The following ST7 variants were observed in gnomAD, a reference collection of about 807,000 sequenced individuals.
The protein encoded by ST7 is suppression of tumorigenicity 7, also known as suppressor of tumorigenicity 7 protein.
ST7 carries 28 observed loss-of-function variants against 78.7 expected under a neutral mutation model. The ratio of observed to expected loss-of-function variants is 0.36; its 90% confidence interval spans 0.26 to 0.49. The LOEUF (loss-of-function observed/expected upper bound fraction) is 0.49, where lower values mean the gene tolerates loss of function less well. Ranked by LOEUF, ST7 falls within the 20% of genes least tolerant of loss-of-function variation. The pLI, the probability that ST7 is intolerant of heterozygous loss-of-function variation, is 0.99. For synonymous variants in ST7, 247 were observed against 249.6 expected (o/e 0.99, Z 0.10); for missense variants, 418 against 696.0 (o/e 0.60, Z 4.49).
chr7:117,132,069 T>G (rs1212688005), intron 6 of ST7, 109 bp downstream of exon 6: 3 of 1,122,616 alleles, frequency 2.7e-6, no homozygotes, highest in Admixed American at 2.3e-5. Context: ...AACTGGAGGA[T>G]TATTTGGGGA....
intron 1 of ST7, among the ~76,000 whole-genome samples, chr7:117,089,892 T>C (rs1284539650): frequency 6.6e-6 from 1 of 152,030 alleles, no homozygotes; most frequent in Non-Finnish European, 1.5e-5. Context: ...TAAAAAACTT[T>C]CTTGCATGCT....
At chr7:116,977,983 C>T (rs1267399063) in intron 1 of ST7, among the ~76,000 whole-genome samples, 2 of 152,186 alleles carry the variant, frequency 1.3e-5, no homozygotes, top group East Asian at 1.9e-4. Flanking sequence ...TTCCAGAGCC[C>T]TCCTCTGGCT....
In ST7 at chr7:117,170,995, T is replaced by C; in HGVS notation, c.1078+19T>C. On this transcript the variant is annotated intron_variant, in intron 10 of 15. Transcript: ENST00000323984. Reference sequence around the variant, plus strand: ...TATGATGGTAAGTTCTTGGGTATTTTTATTTACTTGACTATTCCTCTTTTG... The same window carrying C: ...TATGATGGTAAGTTCTTGGGTATTTCTATTTACTTGACTATTCCTCTTTTG... The C allele has an allele frequency of 6.6e-7, 1 of 1,508,300 alleles. No homozygotes were observed. The highest frequency in any genetic ancestry group is 2.3e-5 in the East Asian group (1 of 43,306). The allele number at this position is 1,508,300 out of a possible 1,614,324, so 93.4% of individuals were successfully genotyped here.
At chr7:117,129,557 G>C (rs186942007) in intron 3 of ST7, among the ~76,000 whole-genome samples, 2 of 151,980 alleles carry the variant, frequency 1.3e-5, no homozygotes, top group Non-Finnish European at 2.9e-5. Flanking sequence ...CATGCATCTT[G>C]ATTTGGCAAG....
At chr7:117,218,066 G>A (rs1792826006) in intron 13 of ST7, among the ~76,000 whole-genome samples, 1 of 152,142 alleles carries the variant, frequency 6.6e-6, no homozygotes, top group African/African-American at 2.4e-5. Flanking sequence ...TATGTACATT[G>A]ACAGCATTTT....
chr7:117,119,819 T>G (rs1031240565), intron 3 of ST7, 99 bp downstream of exon 3: 3 of 1,398,302 alleles, frequency 2.1e-6, no homozygotes, highest in Non-Finnish European at 2.9e-6. Context: ...TATTTAAACA[T>G]TAGGCTTCAG....
At chr7:117,017,144 A>G (rs899428225) in intron 1 of ST7, among the ~76,000 whole-genome samples, 1 of 152,154 alleles carries the variant, frequency 6.6e-6, no homozygotes, top group Admixed American at 6.5e-5. Flanking sequence ...GCCTTTCCTG[A>G]TAATTTTACC....
At chr7:117,080,696 T>C (rs559468476) in intron 1 of ST7, among the ~76,000 whole-genome samples, 2 of 152,348 alleles carry the variant, frequency 1.3e-5, no homozygotes, top group East Asian at 3.9e-4. Context: ...ATTTTCAGAA[T>C]GACTTCAGCA....
At chr7:116,994,278 C>T (rs1333761041) in intron 1 of ST7, among the ~76,000 whole-genome samples, 2 of 152,116 alleles carry the variant, frequency 1.3e-5, no homozygotes, top group Non-Finnish European at 2.9e-5. Context: ...TTATGACTAA[C>T]TTATTTCACT....
intron 13 of ST7, among the ~76,000 whole-genome samples, chr7:117,213,811 G>A (rs1469273439): frequency 6.6e-6 from 1 of 152,082 alleles, no homozygotes; most frequent in African/African-American, 2.4e-5. Context: ...TTTATAATAT[G>A]TTTCCAGTTC....
intron 1 of ST7, among the ~76,000 whole-genome samples, chr7:117,011,447 TA>T (rs914747442): frequency 3.9e-5 from 6 of 152,156 alleles, no homozygotes; most frequent in African/African-American, 1.4e-4. Context: ...CCAAGATTAT[TA>T]AAGTTGGACT....
intron 2 of ST7, among the ~76,000 whole-genome samples, chr7:117,113,282 C>T (rs936880647): frequency 2.6e-5 from 4 of 152,240 alleles, no homozygotes; most frequent in Admixed American, 1.3e-4. Context: ...ATTTCCACCA[C>T]TCTGCCCTAG....
In ST7 at chr7:117,039,131, A is replaced by G. The variant is rs565201750; in HGVS notation, c.152-60631A>G. ...TTCTCTATAAATAGATGTGGCAGAC[A>G]TTCTTCAGGTTAAATCTTTGCACGT... On this transcript the variant is annotated intron_variant, in intron 1 of 15. Coordinates refer to ENST00000323984, the MANE Select transcript of ST7 (RefSeq NM_001369598.1). Among the ~76,000 whole-genome samples the G allele has an allele frequency of 3.3e-5, 5 of 152,220 alleles. No individual in the cohort carries two copies. The South Asian group carries it at 1.0e-3, about 32-fold the overall frequency.
chr7:117,114,713 A>G (rs1295868941), intron 2 of ST7, among the ~76,000 whole-genome samples: 1 of 152,210 alleles, frequency 6.6e-6, no homozygotes, highest in Non-Finnish European at 1.5e-5. Flanking sequence ...GGCATAGGGA[A>G]ATTCCTGACA....
intron 13 of ST7, among the ~76,000 whole-genome samples, chr7:117,216,514 A>G (rs1431119880): frequency 2.6e-5 from 4 of 152,176 alleles, no homozygotes; most frequent in African/African-American, 9.7e-5. Context: ...TTTAATACTT[A>G]GATTCGCAAA....
chr7:117,174,150 TA>T (rs1334015378), intron 10 of ST7, among the ~76,000 whole-genome samples: 1 of 152,210 alleles, frequency 6.6e-6, no homozygotes, highest in Non-Finnish European at 1.5e-5. Context: ...TCTAATGCTT[TA>T]TTATTCCAGG....
intron 9 of ST7, among the ~76,000 whole-genome samples, chr7:117,147,919 G>T (rs969519472): frequency 6.6e-5 from 10 of 152,046 alleles, no homozygotes; most frequent in Non-Finnish European, 1.5e-4. Context: ...TTGATTTGGG[G>T]AGAATTTATG....
At position 117,193,881 on chromosome 7, in the gene ST7, G is replaced by A. The variant is rs541331149; in HGVS notation, c.1254+2945G>A. ...CTGACTTCCTTGCATTTCCAGCTTC[G>A]CTTCATCTGGTATCCCATTAAGCAA... On this transcript the variant is annotated intron_variant, in intron 12 of 15. Transcript: ENST00000323984. Among the ~76,000 whole-genome samples, 9 of 152,236 alleles carry A rather than the reference G, an allele frequency of 5.9e-5. No homozygotes were observed. The South Asian group carries it at 6.2e-4, about 11-fold the overall frequency.
Position 117,136,470 on chromosome 7 carries a change from G to T in ST7, c.865+235G>T. 6.6e-6 allele frequency: 4 copies of T among 602,828 alleles called. No individual in the cohort carries two copies. In the South Asian group the frequency reaches 8.4e-5, roughly 13 times the overall value. The allele number at this position is 602,828 out of a possible 1,614,324, so 37.3% of individuals were successfully genotyped here. ...CTTTCCTGCCCATAGATTCCTAACCGCAGAAATAAATGGCAGTAACCTTTA... is the reference window on the plus strand; with the variant it reads ...CTTTCCTGCCCATAGATTCCTAACCTCAGAAATAAATGGCAGTAACCTTTA... On this transcript the variant is annotated intron_variant, in intron 8 of 15. Coordinates refer to ENST00000323984, the MANE Select transcript of ST7 (RefSeq NM_001369598.1).
Sources: gnomAD v4.1 joint callset for allele counts (sites outside exome capture counted in the v4.1 genomes callset) on GRCh38, gnomAD v4.1.1 for gene constraint, MANE v1.5 for transcripts, NCBI Gene and HGNC (gene_info 2026-07-23, HGNC 2026-07-21) for gene names.